Variants in GAP43 observed in about 807,000 individuals in gnomAD.
GAP43 encodes the protein neuromodulin.
Under a neutral mutation model 18.6 loss-of-function variants are expected in GAP43, and 6 were observed. That is an observed-to-expected ratio of 0.32 (90% CI 0.18 to 0.64). The LOEUF (loss-of-function observed/expected upper bound fraction) is 0.64. Among genes scored for constraint, GAP43 ranks in the 30% least tolerant of loss-of-function variants. The probability of loss-of-function intolerance (pLI) is 0.78; values close to 1 mark genes in which losing one functional copy is unlikely to be tolerated. For synonymous variants in GAP43, 115 were observed against 111.4 expected, an observed-to-expected ratio of 1.03 and a Z score of -0.20; for missense variants, 292 against 295.5, an observed-to-expected ratio of 0.99 and a Z score of 0.09.
chr3:115,696,679 ACTCT>A (rs917098747), intron 2 of GAP43, among the ~76,000 whole-genome samples: 1 of 145,178 alleles, frequency 6.9e-6, no homozygotes, highest in Non-Finnish European at 1.5e-5. Flanking sequence ...TATAGAGTTC[ACTCT>A]CTAACCATCT....
At chr3:115,708,278 T>G (rs1559806995) in intron 2 of GAP43, among the ~76,000 whole-genome samples, 2 of 152,214 alleles carry the variant, frequency 1.3e-5, no homozygotes, top group South Asian at 4.1e-4. Flanking sequence ...TTCTGTTTAG[T>G]GTAAGTTTGG....
intron 1 of GAP43, among the ~76,000 whole-genome samples, chr3:115,626,917 C>T (rs994301733): frequency 1.3e-5 from 2 of 151,918 alleles, no homozygotes; most frequent in African/African-American, 2.4e-5. Context: ...TTGGTGCAGG[C>T]GATTCTTCCT....
intron 1 of GAP43, among the ~76,000 whole-genome samples, chr3:115,674,544 T>C (rs1708856541): frequency 6.6e-6 from 1 of 152,216 alleles, no homozygotes; most frequent in South Asian, 2.1e-4. Flanking sequence ...AGTACTAAGA[T>C]GGCTCTATTG....
chr3:115,663,612 C>T, intron 1 of GAP43: 1 of 1,329,800 alleles, frequency 7.5e-7, no homozygotes, highest in Non-Finnish European at 9.6e-7. Context: ...TGAGTCACAG[C>T]ATCACCTGGG....
chr3:115,677,537 C>G (rs568768877), intron 2 of GAP43, among the ~76,000 whole-genome samples: 1 of 152,248 alleles, frequency 6.6e-6, no homozygotes, highest in Non-Finnish European at 1.5e-5. Context: ...CTTCCCTCAC[C>G]CCAACACATC....
intron 1 of GAP43, among the ~76,000 whole-genome samples, chr3:115,670,325 C>T: frequency 6.6e-6 from 1 of 150,962 alleles, no homozygotes; most frequent in East Asian, 1.9e-4. Flanking sequence ...AGGACATGAA[C>T]TCATCATTTT....
chr3:115,716,759 T>TATATATATATATATATATATATATATAC (rs1709511970), intron 2 of GAP43, among the ~76,000 whole-genome samples: 2 of 107,720 alleles, frequency 1.9e-5, no homozygotes, highest in African/African-American at 8.3e-5. Context: ...TATATATATA[T>TATATATATATATATATATATATATATAC]ATATATATAC....
At position 115,679,408 on chromosome 3, in the gene GAP43, T is replaced by C. The variant is rs185980334; in HGVS notation, c.628+2798T>C. Among the ~76,000 whole-genome samples the C allele has an allele frequency of 1.1e-3, 166 of 152,308 alleles. 1 individual carries two copies. The highest frequency in any genetic ancestry group is 3.8e-3 in the African/African-American group (160 of 41,568). On this transcript the variant is annotated intron_variant, in intron 2 of 2. Coordinates refer to ENST00000305124, the MANE Select transcript of GAP43 (RefSeq NM_002045.4). ...ATTTTGATCTTTGAAGTTGGTTGGT[T>C]ATTGTCATTGTTTTAAATTCTCCAA...
rs753056251 is a variant in GAP43, at chr3:115,676,532, G to A, written c.550G>A (p.Ala184Thr). 2.0e-5 allele frequency: 32 copies of A among 1,613,382 alleles called. No individual in the cohort carries two copies. The highest frequency in any genetic ancestry group is 4.4e-5 in the South Asian group (4 of 91,044). The change falls in exon 2 of 3, where the codon GCA becomes ACA. Residue 184 changes from alanine to threonine, a missense_variant. Ala to Thr is a moderately conservative substitution (Grantham distance 58). Coordinates refer to ENST00000305124, the MANE Select transcript of GAP43 (RefSeq NM_002045.4). Reference sequence around the variant, plus strand: ...TGCTGCTGCTGCCACCACCCCTGCCGCAGAGGATGCTGCTGCCAAGGCAAC... The same window carrying A: ...TGCTGCTGCTGCCACCACCCCTGCCACAGAGGATGCTGCTGCCAAGGCAAC... Reference protein sequence around the residue: ...VTAAAATTPAAEDAAAKATAQ... With the variant: ...VTAAAATTPATEDAAAKATAQ...
intron 1 of GAP43, among the ~76,000 whole-genome samples, chr3:115,633,422 T>TTAGTCTC (rs1427775179): frequency 6.6e-6 from 1 of 152,136 alleles, no homozygotes; most frequent in Non-Finnish European, 1.5e-5. Context: ...TGGTTGAGAA[T>TTAGTCTC]TAGTCTCCTG....
intron 1 of GAP43, among the ~76,000 whole-genome samples, chr3:115,637,763 C>A (rs1708347494): frequency 6.6e-6 from 1 of 151,866 alleles, no homozygotes; most frequent in Admixed American, 6.6e-5. Flanking sequence ...CCCGCAGGAA[C>A]CCCAATCTCA....
intron 1 of GAP43, among the ~76,000 whole-genome samples, chr3:115,669,965 A>ATTTTTTTTTTTTT (rs555813051): frequency 3.0e-5 from 3 of 100,710 alleles, no homozygotes; most frequent in Non-Finnish European, 6.7e-5. Flanking sequence ...TCATCTTTTT[A>ATTTTTTTTTTTTT]TTTTTATTTT....
chr3:115,660,238 C>G (rs182208408), intron 1 of GAP43, among the ~76,000 whole-genome samples: 38 of 152,122 alleles, frequency 2.5e-4, no homozygotes, highest in Non-Finnish European at 4.4e-4. Context: ...GTTTGGTGCT[C>G]TCTCAGTTTG....
intron 2 of GAP43, among the ~76,000 whole-genome samples, chr3:115,688,117 A>G (rs1709058670): frequency 6.6e-6 from 1 of 152,156 alleles, no homozygotes; most frequent in African/African-American, 2.4e-5. Context: ...CCCGGGTTCA[A>G]CCGATTATCC....
intron 1 of GAP43, among the ~76,000 whole-genome samples, chr3:115,655,155 G>A (rs2107477428): frequency 6.6e-6 from 1 of 152,292 alleles, no homozygotes; most frequent in Admixed American, 6.5e-5. Context: ...CTTAGGTATA[G>A]ACTAAACTTT....
intron 2 of GAP43, among the ~76,000 whole-genome samples, chr3:115,713,010 G>GAACTT (rs1308780776): frequency 6.6e-6 from 1 of 152,130 alleles, no homozygotes; most frequent in Non-Finnish European, 1.5e-5. Context: ...GTTTTGAAAG[G>GAACTT]AACTTAAAAT....
chr3:115,665,286 G>T (rs1708718897), intron 1 of GAP43, among the ~76,000 whole-genome samples: 1 of 152,114 alleles, frequency 6.6e-6, no homozygotes, highest in Non-Finnish European at 1.5e-5. Flanking sequence ...GACCAATTTT[G>T]CTCGTTAAAA....
At chr3:115,707,763 A>G (rs1023002917) in intron 2 of GAP43, among the ~76,000 whole-genome samples, 3 of 152,148 alleles carry the variant, frequency 2.0e-5, no homozygotes, top group African/African-American at 7.2e-5. Context: ...TAAAGTTAGC[A>G]AAAAAATGGA....
At chr3:115,663,472 C>T in intron 1 of GAP43, 5 of 1,093,888 alleles carry the variant, frequency 4.6e-6, no homozygotes, top group Non-Finnish European at 5.6e-6. Flanking sequence ...TCCCTCTTCT[C>T]CCAGTATTGC....
Sources: gnomAD v4.1 joint callset for allele counts (sites outside exome capture counted in the v4.1 genomes callset) on GRCh38, gnomAD v4.1.1 for gene constraint, MANE v1.5 for transcripts, NCBI Gene and HGNC (gene_info 2026-07-23, HGNC 2026-07-21) for gene names.